The following BNIP5 variants were observed in gnomAD, a reference collection of about 807,000 sequenced individuals.
BNIP5 encodes the protein BCL2 interacting protein 5, also known as protein BNIP5.
A neutral mutation model predicts 67.3 loss-of-function variants in BNIP5; 61 were observed. The observed-to-expected ratio is 0.91, with a 90% confidence interval of 0.74 to 1.12. The LOEUF (loss-of-function observed/expected upper bound fraction) is 1.12. Ranked by LOEUF, BNIP5 falls within the 50% of genes most tolerant of loss-of-function variation. BNIP5 has a pLI of 0.00. For synonymous variants in BNIP5, 317 were observed against 319.0 expected (o/e 0.99, Z 0.07); for missense variants, 826 against 816.3 (o/e 1.01, Z -0.14).
intron 1 of BNIP5, among the ~76,000 whole-genome samples, chr6:36,336,244 A>G (rs1339670625): frequency 6.6e-6 from 1 of 152,242 alleles, no homozygotes; most frequent in Admixed American, 6.5e-5. Flanking sequence ...ACCATAGGTC[A>G]TAATAACACC....
intron 11 of BNIP5, 59 bp from the exon 12 acceptor site, chr6:36,317,450 C>T: frequency 2.7e-6 from 4 of 1,476,040 alleles, no homozygotes; most frequent in Non-Finnish European, 3.8e-6. Context: ...TGGGTTCATT[C>T]TGGAAACAAC....
chr6:36,324,307 G>T, intron 6 of BNIP5, 117 bp from the exon 7 acceptor site: 4 of 872,824 alleles, frequency 4.6e-6, no homozygotes, highest in Non-Finnish European at 7.6e-6. Context: ...GGGCTAAAGA[G>T]CTGCCAGAGG....
At position 36,330,270 on chromosome 6, in the gene BNIP5, C is replaced by T; in HGVS notation, c.421G>A (p.Glu141Lys). The part of the protein sequence containing the change: ...QHPEPLEAAG[E>K]PALRKKAHHD... ...TGGGCTTTCTTCCTGAGGGCTGGCT[C>T]CCCTGCTGCTTCCAGGGGCTCCGGA... The change falls in exon 2 of 12, where the codon GAG becomes AAG. Residue 141 changes from glutamate to lysine, a missense_variant. By Grantham distance (56) the Glu-to-Lys change is moderately conservative. Transcript: ENST00000437635. 6.2e-7 allele frequency: 1 copy of T among 1,614,170 alleles called. No homozygotes were observed. Among genetic ancestry groups the T allele is most frequent in the South Asian group, 1.1e-5 (1 of 91,070 alleles).
chr6:36,330,992 G>A (rs1335161373), intron 1 of BNIP5, among the ~76,000 whole-genome samples: 12 of 152,240 alleles, frequency 7.9e-5, no homozygotes, highest in Admixed American at 4.6e-4. Context: ...TTGAACTCCC[G>A]ACCTCAGGTG....
Position 36,316,247 on chromosome 6 carries a change from T to G in BNIP5, c.*1109A>C. ...ACACCCTTTCCCCCATGACCACATGTTCTGGGCAGTGTCCAAGGGAGCCGA... is the reference window on the plus strand; with the variant it reads ...ACACCCTTTCCCCCATGACCACATGGTCTGGGCAGTGTCCAAGGGAGCCGA... On this transcript the variant is annotated 3_prime_UTR_variant, in exon 12 of 12. Transcript: ENST00000437635. 2.8e-6 allele frequency: 1 copy of G among 351,922 alleles called. No homozygotes were observed. The highest frequency in any genetic ancestry group is 4.2e-5 in the East Asian group (1 of 24,088). 21.8% of individuals were successfully genotyped at this position (351,922 alleles called of 1,614,324 possible).
At chr6:36,326,255 T>C (rs1771757912) in intron 5 of BNIP5, among the ~76,000 whole-genome samples, 1 of 152,214 alleles carries the variant, frequency 6.6e-6, no homozygotes, top group Non-Finnish European at 1.5e-5. Flanking sequence ...ATGTTGACGG[T>C]TGGGAAATCC....
rs1771530606 is a variant in BNIP5 at position 36,317,095 on chromosome 6, T to A, written c.*261A>T. On this transcript the variant is annotated 3_prime_UTR_variant, in exon 12 of 12. Coordinates refer to ENST00000437635, the MANE Select transcript of BNIP5 (RefSeq NM_001010903.5). ...GGTCATGCAGCAAGTCTGGGGTAGG[T>A]TCAGCAGGTAGAGCCCCAGTCTTCC... is the stretch of plus-strand genomic sequence containing the variant. 11 of 568,588 alleles carry A rather than the reference T, an allele frequency of 1.9e-5. No individual in the cohort carries two copies. The South Asian group carries it at 2.5e-4, about 13-fold the overall frequency. The allele number at this position is 568,588 out of a possible 1,614,324, so 35.2% of individuals were successfully genotyped here.
At chr6:36,336,099 A>G (rs544628221) in intron 1 of BNIP5, among the ~76,000 whole-genome samples, 1 of 152,146 alleles carries the variant, frequency 6.6e-6, no homozygotes, top group Non-Finnish European at 1.5e-5. Context: ...GTCGGTCAGG[A>G]CTGTGGGTTA....
At chr6:36,332,654 C>T (rs1012911184) in intron 1 of BNIP5, among the ~76,000 whole-genome samples, 3 of 152,092 alleles carry the variant, frequency 2.0e-5, no homozygotes, top group Non-Finnish European at 4.4e-5. Context: ...GCAGTGGGGG[C>T]TCTTCCATTC....
intron 1 of BNIP5, among the ~76,000 whole-genome samples, chr6:36,332,355 A>T (rs1208468800): frequency 6.6e-6 from 1 of 152,018 alleles, no homozygotes; most frequent in Non-Finnish European, 1.5e-5. Context: ...ATTGCCCATC[A>T]GCACACCCTT....
At chr6:36,327,186 C>A in intron 3 of BNIP5, 92 bp from the exon 4 acceptor site, 1 of 1,122,426 alleles carries the variant, frequency 8.9e-7, no homozygotes, top group South Asian at 1.3e-5. Context: ...TTAAACAACT[C>A]TTTAGGCCAC....
At chr6:36,319,988 T>C (rs1771600612) in intron 10 of BNIP5, among the ~76,000 whole-genome samples, 1 of 152,356 alleles carries the variant, frequency 6.6e-6, no homozygotes, top group Non-Finnish European at 1.5e-5. Flanking sequence ...TGTGAGCCTC[T>C]GGTCATCCAT....
intron 3 of BNIP5, 99 bp downstream of exon 3, chr6:36,328,499 C>G (rs1433818709): frequency 2.1e-5 from 16 of 754,518 alleles, no homozygotes; most frequent in Non-Finnish European, 3.5e-5. Flanking sequence ...TTTTGAGAAC[C>G]ACCATCCAAG....
chr6:36,324,578 TATATATATA>T (rs1771716862), intron 6 of BNIP5, among the ~76,000 whole-genome samples: 3 of 1,822 alleles, frequency 1.6e-3, no homozygotes, highest in Admixed American at 0.011. Flanking sequence ...GGTGATATTA[TATATATATA>T]TATATATATA....
intron 10 of BNIP5, among the ~76,000 whole-genome samples, 194 bp downstream of exon 10, chr6:36,320,961 G>A (rs554534839): frequency 6.6e-6 from 1 of 152,336 alleles, no homozygotes; most frequent in African/African-American, 2.4e-5. Context: ...TCTGCTACAT[G>A]TCTGGCGTTT....
At chr6:36,321,672 C>T in intron 9 of BNIP5, among the ~76,000 whole-genome samples, 1 of 152,194 alleles carries the variant, frequency 6.6e-6, no homozygotes, top group East Asian at 1.9e-4. Context: ...AGGGCCTACT[C>T]GTACTAAGTT....
At chr6:36,334,561 T>C (rs941128752) in intron 1 of BNIP5, among the ~76,000 whole-genome samples, 2 of 152,118 alleles carry the variant, frequency 1.3e-5, no homozygotes, top group African/African-American at 4.8e-5. Flanking sequence ...CCAAAGATTG[T>C]CTTCAGCTCT....
intron 11 of BNIP5, among the ~76,000 whole-genome samples, chr6:36,317,613 G>A (rs1021541839): frequency 1.3e-5 from 2 of 152,160 alleles, no homozygotes; most frequent in African/African-American, 4.8e-5. Flanking sequence ...CCACCTCCTG[G>A]AAGGCTCCCA....
rs201478093 is a variant in BNIP5 at position 36,319,556 on chromosome 6, G to A, written c.1723C>T (p.Leu575Phe). ...CGCAGGGTGGCTACCAGCTTGCTGA[G>A]GGAGGAGTCCGAGAACTCGTAAAAA... ...RFFYEFSDSS[L>F]SKLVATLRSQ... is the part of the protein sequence containing the mutation. The change falls in exon 11 of 12, where the codon CTC becomes TTC. Residue 575 changes from leucine (L) to phenylalanine (F), a missense_variant. Leu to Phe is a conservative substitution (Grantham distance 22). Coordinates refer to ENST00000437635, the MANE Select transcript of BNIP5 (RefSeq NM_001010903.5). 1.2e-6 allele frequency: 2 copies of A among 1,614,140 alleles called. No homozygotes were observed. The highest frequency in any genetic ancestry group is 1.7e-6 in the Non-Finnish European group (2 of 1,179,992).
Sources: allele counts gnomAD v4.1 joint callset (sites outside exome capture counted in the v4.1 genomes callset), GRCh38; gene constraint gnomAD v4.1.1; transcripts MANE v1.5; gene names NCBI Gene and HGNC (gene_info 2026-07-23, HGNC 2026-07-21).